The following FSTL4 variants were observed in gnomAD, a reference collection of about 807,000 sequenced individuals.
FSTL4 encodes the protein follistatin like 4, also known as follistatin-related protein 4.
FSTL4 carries 28 observed loss-of-function variants against 78.2 expected under a neutral mutation model. The ratio of observed to expected loss-of-function variants is 0.36; its 90% CI spans 0.27 to 0.49. The LOEUF is 0.49. FSTL4 is among the 20% of genes least tolerant of loss of function. The pLI is 0.98. For missense variants in FSTL4, 922 were observed against 1,084.9 expected, an observed-to-expected ratio of 0.85 and a Z score of 2.11; for synonymous variants, 422 against 440.5, an observed-to-expected ratio of 0.96 and a Z score of 0.53.
intron 6 of FSTL4, among the ~76,000 whole-genome samples, chr5:133,293,064 G>A (rs1392313313): frequency 6.6e-6 from 1 of 152,224 alleles, no homozygotes; most frequent in East Asian, 1.9e-4. Flanking sequence ...GCTATGGACT[G>A]CGGAGGACCG....
At chr5:133,717,555 C>T in the FSTL4 span, among the ~76,000 whole-genome samples, 2 of 152,182 alleles carry the variant, frequency 1.3e-5, no homozygotes, top group African/African-American at 2.4e-5. Flanking sequence ...CACAGCCAAA[C>T]GTTCCTTAGT....
chr5:133,779,507 A>AC, the FSTL4 span, among the ~76,000 whole-genome samples: 1 of 151,998 alleles, frequency 6.6e-6, no homozygotes, highest in Non-Finnish European at 1.5e-5. Context: ...GATCACTTGA[A>AC]CCTGGGAGGC....
rs190128178 is a variant in FSTL4 at position 133,287,260 on chromosome 5, C to T, written c.727+25394G>A. Among the ~76,000 whole-genome samples, 102 of 151,960 alleles carry T rather than the reference C, an allele frequency of 6.7e-4. No individual in the cohort carries two copies. In the East Asian group the frequency reaches 0.014, roughly 21 times the overall value. On this transcript the variant is annotated intron_variant, in intron 6 of 15. Coordinates refer to ENST00000265342, the MANE Select transcript of FSTL4 (RefSeq NM_015082.2). ...AAAATTAGCCAGGTGTGGTGGCGGG[C>T]GCCTGTAGTCCCAGCTACTCGGGAG...
chr5:133,825,591 G>A, the FSTL4 span, among the ~76,000 whole-genome samples: 1 of 152,160 alleles, frequency 6.6e-6, no homozygotes, highest in Admixed American at 6.5e-5. Context: ...AACTATCCGC[G>A]GGGGTGGGTG....
At chr5:133,369,761 C>T (rs1755251544) in intron 4 of FSTL4, among the ~76,000 whole-genome samples, 1 of 152,236 alleles carries the variant, frequency 6.6e-6, no homozygotes, top group South Asian at 2.1e-4. Context: ...TTAAGGGCAA[C>T]ACACTTGTGC....
intron 3 of FSTL4, among the ~76,000 whole-genome samples, chr5:133,441,196 A>G (rs943128589): frequency 6.6e-6 from 1 of 152,138 alleles, no homozygotes; most frequent in African/African-American, 2.4e-5. Context: ...CCTGCCAGGA[A>G]GGCACCTGGG....
chr5:133,640,369 C>G, the FSTL4 span, among the ~76,000 whole-genome samples: 1 of 152,218 alleles, frequency 6.6e-6, no homozygotes, highest in Non-Finnish European at 1.5e-5. Context: ...CCTGCTTTCT[C>G]ACTGTCACAC....
At chr5:133,603,249 A>AT (rs1299448210) in intron 2 of FSTL4, among the ~76,000 whole-genome samples, 1 of 152,186 alleles carries the variant, frequency 6.6e-6, no homozygotes, top group Non-Finnish European at 1.5e-5. Context: ...TCTTTACTAC[A>AT]TAAGACCAGG....
chr5:133,220,995 T>C (rs1269284752), intron 11 of FSTL4, 129 bp from the exon 12 acceptor site: 1 of 753,970 alleles, frequency 1.3e-6, no homozygotes, highest in East Asian at 2.5e-5. Flanking sequence ...ATGCAATTCC[T>C]GGTCAGGGTG....
At chr5:133,279,767 T>C (rs1158885297) in intron 6 of FSTL4, among the ~76,000 whole-genome samples, 1 of 152,218 alleles carries the variant, frequency 6.6e-6, no homozygotes, top group African/African-American at 2.4e-5. Flanking sequence ...TTCATGTCTA[T>C]TAGAACCTCA....
chr5:133,794,308 G>A, the FSTL4 span, among the ~76,000 whole-genome samples: 1 of 152,224 alleles, frequency 6.6e-6, no homozygotes, highest in East Asian at 1.9e-4. Flanking sequence ...CACGGTTACA[G>A]ACAGCGATGC....
intron 3 of FSTL4, among the ~76,000 whole-genome samples, chr5:133,486,652 G>A (rs926652956): frequency 5.3e-5 from 8 of 152,244 alleles, no homozygotes; most frequent in East Asian, 3.9e-4. Flanking sequence ...ACCCTTTACA[G>A]TTGTGTTACT....
chr5:133,205,668 T>G (rs1283617694), intron 14 of FSTL4, among the ~76,000 whole-genome samples: 1 of 152,198 alleles, frequency 6.6e-6, no homozygotes. Context: ...CAAACAAAAC[T>G]TTATATTCTA....
At chr5:133,319,621 G>A (rs1753997794) in intron 4 of FSTL4, among the ~76,000 whole-genome samples, 2 of 152,164 alleles carry the variant, frequency 1.3e-5, no homozygotes, top group South Asian at 4.1e-4. Flanking sequence ...GGCAGGAGAG[G>A]GCAGTGGGAC....
chr5:133,591,763 G>A (rs171742), intron 2 of FSTL4, among the ~76,000 whole-genome samples: 64,413 of 151,572 alleles, frequency 0.42, 14,606 homozygotes, highest in East Asian at 0.61. Context: ...GGAGAGAACA[G>A]GCAGAGGAGG....
At chr5:133,770,007 T>A in the FSTL4 span, among the ~76,000 whole-genome samples, 1 of 152,170 alleles carries the variant, frequency 6.6e-6, no homozygotes, top group Non-Finnish European at 1.5e-5. Flanking sequence ...TCCAGTTCCA[T>A]GTATGTTGCT....
At position 133,217,277 on chromosome 5, in the gene FSTL4, T is replaced by A; in HGVS notation, c.1560A>T (p.Ala520=). The part of the protein sequence containing the change: ...RNRYIYVAQP[A]LSRVLVVDIQ... ...TGTCGACCACAAGGACTCTGCTCAGTGCTGGCTGGGCCACATAGATGTACC... is the reference window on the plus strand; with the variant it reads ...TGTCGACCACAAGGACTCTGCTCAGAGCTGGCTGGGCCACATAGATGTACC... The change falls in exon 13 of 16, where the codon GCA becomes GCT. Residue 520 remains alanine (A), a synonymous_variant. Coordinates refer to ENST00000265342, the MANE Select transcript of FSTL4 (RefSeq NM_015082.2). 6.2e-7 allele frequency: 1 copy of A among 1,614,098 alleles called. No individual in the cohort carries two copies. Among genetic ancestry groups the A allele is most frequent in the Non-Finnish European group, 8.5e-7 (1 of 1,179,950 alleles).
chr5:133,303,895 C>T (rs1462591144), intron 6 of FSTL4, among the ~76,000 whole-genome samples: 1 of 152,206 alleles, frequency 6.6e-6, no homozygotes, highest in Non-Finnish European at 1.5e-5. Flanking sequence ...CCCACACTCA[C>T]GCTGAGACAA....
intron 6 of FSTL4, among the ~76,000 whole-genome samples, chr5:133,261,662 C>G (rs974378071): frequency 6.6e-6 from 1 of 151,976 alleles, no homozygotes; most frequent in African/African-American, 2.4e-5. Flanking sequence ...TTGAGACCAG[C>G]CTGGCCAACA....
Sources: gnomAD v4.1 joint callset for allele counts (sites outside exome capture counted in the v4.1 genomes callset) on GRCh38, gnomAD v4.1.1 for gene constraint, MANE v1.5 for transcripts, NCBI Gene and HGNC (gene_info 2026-07-23, HGNC 2026-07-21) for gene names.